Variants in QSER1 observed in about 807,000 individuals in gnomAD.
The protein encoded by QSER1 is glutamine and serine-rich protein 1.
A neutral mutation model predicts 158.5 loss-of-function variants in QSER1; 49 were observed. The ratio of observed to expected loss-of-function variants is 0.31; its 90% CI spans 0.25 to 0.39. The LOEUF is 0.39. Among genes scored for constraint, QSER1 ranks in the 10% least tolerant of loss-of-function variants. The pLI is 1.00. For missense variants in QSER1, 1,754 were observed against 2,010.3 expected (o/e 0.87, Z 2.44); for synonymous variants, 650 against 715.5 (o/e 0.91, Z 1.46).
At chr11:32,923,514 A>C (rs981506346) in intron 1 of QSER1, among the ~76,000 whole-genome samples, 1 of 151,850 alleles carries the variant, frequency 6.6e-6, no homozygotes, top group African/African-American at 2.4e-5. Context: ...TCTCTACTAA[A>C]AATACAAAAA....
intron 1 of QSER1, among the ~76,000 whole-genome samples, chr11:32,909,333 TATC>T (rs977780504): frequency 2.6e-5 from 4 of 152,240 alleles, no homozygotes; most frequent in Admixed American, 2.0e-4. Context: ...AAGTATCTTT[TATC>T]ATCAACAGCT....
chr11:32,943,556 A>C (rs1352268956), intron 4 of QSER1, among the ~76,000 whole-genome samples: 1 of 150,246 alleles, frequency 6.7e-6, no homozygotes. Context: ...GCGTATATTG[A>C]ACCAGCCTTG....
chr11:32,952,938 G>A (rs540793285), intron 4 of QSER1, among the ~76,000 whole-genome samples: 1 of 151,802 alleles, frequency 6.6e-6, no homozygotes, highest in South Asian at 2.1e-4. Flanking sequence ...GAGTAGCGGG[G>A]ATTAAAGGCG....
In QSER1 at chr11:32,978,569, C is replaced by T. The variant is rs1190555158; in HGVS notation, c.*2095C>T. 6.6e-6 allele frequency: 1 copy of T among 152,202 alleles called. No homozygotes were observed. The highest frequency in any genetic ancestry group is 1.5e-5 in the Non-Finnish European group (1 of 68,032). The allele number at this position is 152,202 out of a possible 1,614,324, so 9.4% of individuals were successfully genotyped here. A position where few individuals can be genotyped will look rare whatever the true frequency, so the allele number is the denominator to read the frequency against. On this transcript the variant is annotated 3_prime_UTR_variant, in exon 13 of 13. Transcript: ENST00000650167. ...GCCACATTTTCTTCATGATATGCCTCGTGGCAAACAAAGATGTTTCCTTAA... is the reference window on the plus strand; with the variant it reads ...GCCACATTTTCTTCATGATATGCCTTGTGGCAAACAAAGATGTTTCCTTAA...
At chr11:32,929,268 C>T (rs1484935144) in intron 3 of QSER1, among the ~76,000 whole-genome samples, 6 of 152,010 alleles carry the variant, frequency 3.9e-5, no homozygotes, top group Non-Finnish European at 5.9e-5. Flanking sequence ...TGCACCACCA[C>T]GCCCAGCTAA....
At chr11:32,951,649 T>G (rs918054561) in intron 4 of QSER1, among the ~76,000 whole-genome samples, 1 of 152,194 alleles carries the variant, frequency 6.6e-6, no homozygotes, top group African/African-American at 2.4e-5. Context: ...TGCAGTTCTT[T>G]TGTTAAATTT....
In QSER1 at chr11:32,893,671, G is replaced by A. The variant is rs370227421; in HGVS notation, c.209+337G>A. 7.9e-5 allele frequency among the ~76,000 whole-genome samples: 12 copies of A among 152,306 alleles called. No individual in the cohort carries two copies. The South Asian group carries it at 1.4e-3, about 18-fold the overall frequency. On this transcript the variant is annotated intron_variant, in intron 1 of 12. Transcript: ENST00000650167. The surrounding 1 kb of genome is among the most constrained non-coding windows in gnomAD (Gnocchi z 4.7). ...ATCTGTGAGACCCAGGATTGGCGCCGGGGGTCCGAAGGGGGCGCCGGAGAG... is the reference window on the plus strand; with the variant it reads ...ATCTGTGAGACCCAGGATTGGCGCCAGGGGTCCGAAGGGGGCGCCGGAGAG...
intron 4 of QSER1, among the ~76,000 whole-genome samples, chr11:32,942,387 TC>T: frequency 6.9e-6 from 1 of 145,790 alleles, no homozygotes; most frequent in Admixed American, 6.9e-5. Context: ...AAGTCTTTAA[TC>T]CATCTTGAAT....
Position 32,933,173 on chromosome 11 carries a change from C to A in QSER1, c.1915C>A (p.Pro639Thr). 6.2e-7 allele frequency: 1 copy of A among 1,613,804 alleles called. No homozygotes were observed. The highest frequency in any genetic ancestry group is 8.5e-7 in the Non-Finnish European group (1 of 1,179,912). Residue 639 changes from proline to threonine, a missense_variant, in exon 4 of 13, where the codon CCC becomes ACC. Pro to Thr is a conservative substitution (Grantham distance 38, BLOSUM62 -1). This residue lies in a region of QSER1 where 1,707 missense variants were observed against 1,919.6 expected (regional missense o/e 0.89). Coordinates refer to ENST00000650167, the MANE Select transcript of QSER1 (RefSeq NM_001076786.3). ...QNVQTQESSS[P>T]QSQKFLPAVQ... ...TGTTCAGACTCAAGAGTCATCATCT[C>A]CCCAGTCCCAGAAGTTTTTGCCTGC...
chr11:32,941,795 A>G (rs1462877784), intron 4 of QSER1, among the ~76,000 whole-genome samples: 2 of 151,990 alleles, frequency 1.3e-5, no homozygotes, highest in Non-Finnish European at 2.9e-5. Flanking sequence ...TAGATCCCTG[A>G]GCAATCGCCA....
intron 3 of QSER1, among the ~76,000 whole-genome samples, chr11:32,931,454 T>C (rs1852044532): frequency 6.6e-6 from 1 of 151,966 alleles, no homozygotes; most frequent in South Asian, 2.1e-4. Flanking sequence ...AGTATGCGCC[T>C]GTAGTCTCAG....
At chr11:32,962,396 A>C (rs113715881) in intron 8 of QSER1, among the ~76,000 whole-genome samples, 16 of 152,208 alleles carry the variant, frequency 1.1e-4, no homozygotes, top group African/African-American at 3.9e-4. Flanking sequence ...GGAGTTTTTT[A>C]ATATATTCTG....
intron 5 of QSER1, among the ~76,000 whole-genome samples, chr11:32,954,539 T>C (rs117219504): frequency 0.019 from 2,954 of 152,290 alleles, 45 homozygotes; most frequent in South Asian, 0.038. Flanking sequence ...AGAACTATCA[T>C]GTAAAAGTAG....
intron 1 of QSER1, among the ~76,000 whole-genome samples, chr11:32,914,117 T>C (rs1851804105): frequency 6.6e-6 from 1 of 152,234 alleles, no homozygotes; most frequent in South Asian, 2.1e-4. Flanking sequence ...TCCACACAGA[T>C]TTAATTCAGT....
intron 1 of QSER1, among the ~76,000 whole-genome samples, chr11:32,911,600 C>A (rs976089972): frequency 2.0e-5 from 3 of 152,064 alleles, no homozygotes; most frequent in African/African-American, 7.2e-5. Flanking sequence ...GTGGTTTCCA[C>A]CATGCTGTTC....
At chr11:32,958,817 A>C (rs1189750997) in intron 8 of QSER1, among the ~76,000 whole-genome samples, 1 of 152,218 alleles carries the variant, frequency 6.6e-6, no homozygotes, top group Admixed American at 6.5e-5. Context: ...GCTTACTACT[A>C]TATATCTGCC....
At chr11:32,965,944 AACACACACAC>A (rs5790910) in intron 8 of QSER1, among the ~76,000 whole-genome samples, 102 of 123,620 alleles carry the variant, frequency 8.3e-4, no homozygotes, top group African/African-American at 2.3e-3. Context: ...TCTGTCTCAA[AACACACACAC>A]ACACACACAC....
intron 1 of QSER1, among the ~76,000 whole-genome samples, chr11:32,924,560 CAA>C (rs371281813): frequency 1.9e-4 from 11 of 58,488 alleles, no homozygotes; most frequent in South Asian, 6.3e-4. Flanking sequence ...GACCCTGTCT[CAA>C]AAAAAAAAAA....
chr11:32,942,657 C>G (rs1471243235), intron 4 of QSER1, among the ~76,000 whole-genome samples: 1 of 152,174 alleles, frequency 6.6e-6, no homozygotes, highest in Admixed American at 6.5e-5. Context: ...AGTTTGAACT[C>G]AGGTAGTGTG....
Sources: allele counts gnomAD v4.1 joint callset (sites outside exome capture counted in the v4.1 genomes callset), GRCh38; gene constraint gnomAD v4.1.1; regional missense constraint gnomAD v4.1.1; non-coding constraint Gnocchi (gnomAD v3.1); transcripts MANE v1.5; gene names NCBI Gene and HGNC (gene_info 2026-07-23, HGNC 2026-07-21).